Variants in QTMAN observed in about 807,000 individuals in gnomAD.
The protein encoded by QTMAN is queuosine-tRNA mannosyltransferase.
chr2:144,059,347 T>C, the QTMAN span, among the ~76,000 whole-genome samples: 1 of 152,184 alleles, frequency 6.6e-6, no homozygotes, highest in Non-Finnish European at 1.5e-5. Flanking sequence ...TAGGCTCTCT[T>C]TTGAATACAA....
At chr2:144,227,900 G>C in the QTMAN span, among the ~76,000 whole-genome samples, 1 of 152,138 alleles carries the variant, frequency 6.6e-6, no homozygotes, top group East Asian at 1.9e-4. Context: ...GAAAACATTT[G>C]TTACCTCATT....
the QTMAN span, among the ~76,000 whole-genome samples, chr2:144,232,661 T>C: frequency 6.6e-6 from 1 of 152,320 alleles, no homozygotes; most frequent in South Asian, 2.1e-4. Context: ...CTTATCTTGA[T>C]TGCAAAACTA....
At chr2:144,182,643 C>CAAA in the QTMAN span, among the ~76,000 whole-genome samples, 3 of 34,956 alleles carry the variant, frequency 8.6e-5, no homozygotes, top group African/African-American at 9.4e-5. Context: ...GACTCCGTCT[C>CAAA]AAAAAAAAAA....
At chr2:144,017,984 C>A in the QTMAN span, among the ~76,000 whole-genome samples, 1 of 152,048 alleles carries the variant, frequency 6.6e-6, no homozygotes, top group Non-Finnish European at 1.5e-5. Context: ...ATTGTATTCA[C>A]GCCTAGAGAT....
the QTMAN span, chr2:143,957,216 T>G: frequency 2.5e-6 from 4 of 1,593,184 alleles, no homozygotes; most frequent in Non-Finnish European, 3.4e-6. Context: ...AAAGAATTCA[T>G]GCTTAGCTGT....
the QTMAN span, among the ~76,000 whole-genome samples, chr2:144,133,444 TATATAATATATA>T: frequency 1.7e-3 from 71 of 41,848 alleles, no homozygotes; most frequent in East Asian, 0.011. Flanking sequence ...TAATATATAA[TATATAATATATA>T]ATATATATTA....
chr2:144,055,355 A>C, the QTMAN span, among the ~76,000 whole-genome samples: 1 of 151,298 alleles, frequency 6.6e-6, no homozygotes, highest in Non-Finnish European at 1.5e-5. Context: ...ACACACACAC[A>C]CACACACACA....
chr2:143,967,786 G>GA, the QTMAN span, among the ~76,000 whole-genome samples: 1 of 152,078 alleles, frequency 6.6e-6, no homozygotes, highest in East Asian at 1.9e-4. Context: ...AGTTGGGTCA[G>GA]AAAAAAAGAA....
At chr2:144,015,677 T>C in the QTMAN span, among the ~76,000 whole-genome samples, 1 of 152,324 alleles carries the variant, frequency 6.6e-6, no homozygotes, top group South Asian at 2.1e-4. Flanking sequence ...AAATGGGGTA[T>C]GTTCAGGTAC....
chr2:144,067,899 C>G, the QTMAN span, among the ~76,000 whole-genome samples: 38 of 152,214 alleles, frequency 2.5e-4, no homozygotes, highest in Admixed American at 5.9e-4. Flanking sequence ...AGTGCCACCC[C>G]CAAAGGGAAA....
At chr2:144,185,648 C>A in the QTMAN span, among the ~76,000 whole-genome samples, 3 of 152,080 alleles carry the variant, frequency 2.0e-5, no homozygotes, top group African/African-American at 4.8e-5. Flanking sequence ...AAATTTTAAA[C>A]AAGGGCTGGT....
chr2:144,288,678 T>C, the QTMAN span, among the ~76,000 whole-genome samples: 1 of 152,164 alleles, frequency 6.6e-6, no homozygotes, highest in Admixed American at 6.5e-5. Context: ...TGCAAACTTC[T>C]CTTTTTTGTT....
At chr2:144,031,573 T>A in the QTMAN span, among the ~76,000 whole-genome samples, 1 of 151,946 alleles carries the variant, frequency 6.6e-6, no homozygotes, top group African/African-American at 2.4e-5. Flanking sequence ...CCATGGAGGA[T>A]AAAACAAAGC....
chr2:143,952,682 G>A, the QTMAN span: 1 of 923,882 alleles, frequency 1.1e-6, no homozygotes, highest in Non-Finnish European at 1.8e-6. Flanking sequence ...ATAAACAATT[G>A]CTCCTGCCTA....
chr2:144,324,190 T>C, the QTMAN span, among the ~76,000 whole-genome samples: 2 of 152,204 alleles, frequency 1.3e-5, no homozygotes, highest in Non-Finnish European at 2.9e-5. Flanking sequence ...TCTGCCTTGC[T>C]ATACCACGCA....
the QTMAN span, among the ~76,000 whole-genome samples, chr2:144,246,381 G>A: frequency 6.6e-6 from 1 of 151,352 alleles, no homozygotes; most frequent in Admixed American, 6.6e-5. Flanking sequence ...AGACCATCCT[G>A]GCTAACAAGG....
the QTMAN span, among the ~76,000 whole-genome samples, chr2:144,020,219 T>C: frequency 2.6e-5 from 4 of 152,278 alleles, no homozygotes; most frequent in East Asian, 3.9e-4. Flanking sequence ...TCCACCCCCA[T>C]GGACCTAGGT....
the QTMAN span, among the ~76,000 whole-genome samples, chr2:143,985,126 G>A: frequency 6.6e-6 from 1 of 152,232 alleles, no homozygotes; most frequent in African/African-American, 2.4e-5. Flanking sequence ...AAAGAGCATT[G>A]TAACATGCTT....
chr2:144,116,943 G>A, the QTMAN span, among the ~76,000 whole-genome samples: 2 of 152,076 alleles, frequency 1.3e-5, no homozygotes, highest in African/African-American at 2.4e-5. Flanking sequence ...GGTTTTTGGG[G>A]TTTTGTCACT....
Sources: allele counts gnomAD v4.1 joint callset (sites outside exome capture counted in the v4.1 genomes callset), GRCh38; gene constraint gnomAD v4.1.1; transcripts MANE v1.5; gene names NCBI Gene and HGNC (gene_info 2026-07-23, HGNC 2026-07-21).